The following POLR3GL variants were observed in gnomAD, a reference collection of about 807,000 sequenced individuals.
The protein encoded by POLR3GL is DNA-directed RNA polymerase III subunit RPC7-like.
POLR3GL carries 26 observed loss-of-function variants against 32.4 expected under a neutral mutation model. The observed-to-expected ratio is 0.80, with a 90% CI of 0.59 to 1.11. POLR3GL has a LOEUF of 1.11. POLR3GL is among the 50% of genes most tolerant of loss of function. The probability of loss-of-function intolerance (pLI) is 0.00; values close to 1 mark genes in which losing one functional copy is unlikely to be tolerated. For synonymous variants in POLR3GL, 95 were observed against 98.7 expected, an observed-to-expected ratio of 0.96 and a Z score of 0.22; for missense variants, 229 against 280.1, an observed-to-expected ratio of 0.82 and a Z score of 1.30.
At chr1:145,965,442 G>A (rs587641604) in intron 1 of POLR3GL, among the ~76,000 whole-genome samples, 3 of 152,276 alleles carry the variant, frequency 2.0e-5, no homozygotes, top group East Asian at 3.9e-4. Flanking sequence ...CTACAATCTA[G>A]AGAAGGAAGA....
chr1:145,977,703 T>A, intron 5 of POLR3GL, 75 bp from the exon 6 acceptor site: 1 of 1,428,516 alleles, frequency 7.0e-7, no homozygotes, highest in Admixed American at 1.7e-5. Flanking sequence ...GAGTGACATG[T>A]TCTTTGCATG....
At position 145,977,744 on chromosome 1, in the gene POLR3GL, T is replaced by C. The variant is rs1164726630; in HGVS notation, c.383-34T>C. The C allele has an allele frequency of 5.0e-6, 8 of 1,606,404 alleles. No individual in the cohort carries two copies. In the Admixed American group the frequency reaches 1.2e-4, roughly 24 times the overall value. On this transcript the variant is annotated intron_variant, in intron 5 of 7. Transcript: ENST00000369314. ...GGGCTATAAAGCTGGCAAAATTTGCTCTCTGAAGGTTTACCTTTTGATCCC... is the reference window on the plus strand; with the variant it reads ...GGGCTATAAAGCTGGCAAAATTTGCCCTCTGAAGGTTTACCTTTTGATCCC...
chr1:145,965,507 G>A (rs1649976553), intron 1 of POLR3GL, among the ~76,000 whole-genome samples: 1 of 152,144 alleles, frequency 6.6e-6, no homozygotes, highest in Non-Finnish European at 1.5e-5. Flanking sequence ...AATTTCTCAA[G>A]TTTGGAAAGG....
At position 145,974,879 on chromosome 1, in the gene POLR3GL, G is replaced by A. The variant is rs782358383; in HGVS notation, c.14G>A (p.Gly5Asp). 2.0e-6 allele frequency: 3 copies of A among 1,516,352 alleles called. No individual in the cohort carries two copies. The highest frequency in any genetic ancestry group is 2.6e-6 in the Non-Finnish European group (3 of 1,141,792). 93.9% of individuals were successfully genotyped at this position (1,516,352 alleles called of 1,614,324 possible). ...GCCCCCTCCACCATGGCCAGCCGGG[G>A]TGGGGGCCGGGGTCGTGGCCGGGGC... MASR[G>D]GGRGRGRGQL... The change falls in exon 2 of 8, where the codon GGT becomes GAT. Residue 5 changes from glycine to aspartate, a missense_variant. Physicochemically the swap from Gly to Asp is moderately conservative, Grantham distance 94 (BLOSUM62 -1). Transcript: ENST00000369314.
intron 1 of POLR3GL, among the ~76,000 whole-genome samples, chr1:145,971,369 TA>T (rs1650285455): frequency 6.6e-6 from 1 of 151,982 alleles, no homozygotes; most frequent in Admixed American, 6.5e-5. Context: ...CACGTCTCCT[TA>T]GGCTCCTCTT....
chr1:145,974,190 A>G lies in POLR3GL; in HGVS notation c.-41-635A>G, dbSNP rs150824222. 5.3e-4 allele frequency among the ~76,000 whole-genome samples: 81 copies of G among 152,270 alleles called. 1 individual carries two copies. In the East Asian group the frequency reaches 0.016, roughly 29 times the overall value. ...TAATGTGTCTTTTCCCCTGGTTTAC[A>G]ATGAAATTGATGACTCATCCCTGTG... On this transcript the variant is annotated intron_variant, in intron 1 of 7. Coordinates refer to ENST00000369314, the MANE Select transcript of POLR3GL (RefSeq NM_032305.3).
In POLR3GL at chr1:145,977,532, G is replaced by C; in HGVS notation, c.375G>C (p.Gln125His). Residue 125 changes from glutamine (Q) to histidine (H), a missense_variant, in exon 5 of 8, where the codon CAG (glutamine) becomes CAC (histidine). By Grantham distance (24) the Gln-to-His change is conservative. Coordinates refer to ENST00000369314, the MANE Select transcript of POLR3GL (RefSeq NM_032305.3). Reference protein sequence around the residue: ...RELKIRVRKLQKERITILLPK... With the variant: ...RELKIRVRKLHKERITILLPK... ...TAAAGATCCGAGTGCGGAAGCTACA[G>C]AAGGAACGTGAGTGTATCTGGAAAA... 1 of 1,614,040 alleles carries C rather than the reference G, an allele frequency of 6.2e-7. No homozygotes were observed. Among genetic ancestry groups the C allele is most frequent in the African/African-American group, 1.3e-5 (1 of 75,050 alleles).
At chr1:145,975,906 C>T (rs1272986449) in intron 3 of POLR3GL, among the ~76,000 whole-genome samples, 1 of 152,010 alleles carries the variant, frequency 6.6e-6, no homozygotes, top group African/African-American at 2.4e-5. Flanking sequence ...GTTTCTTATT[C>T]CCTAGCATAC....
Position 145,975,163 on chromosome 1 carries a change from A to G in POLR3GL, c.127-144A>G, listed in dbSNP as rs113745278. On this transcript the variant is annotated intron_variant, in intron 2 of 7. Coordinates refer to ENST00000369314, the MANE Select transcript of POLR3GL (RefSeq NM_032305.3). ...GAAGTGTCCACCTTTACTTCTCCCC[A>G]GCTTTCAAAATAATATGTTACTCCC... 16 of 1,318,184 alleles carry G rather than the reference A, an allele frequency of 1.2e-5. No individual in the cohort carries two copies. The African/African-American group carries it at 1.5e-4, about 12-fold the overall frequency. 81.7% of individuals were successfully genotyped at this position (1,318,184 alleles called of 1,614,324 possible).
chr1:145,970,929 G>A (rs1375160202), intron 1 of POLR3GL, among the ~76,000 whole-genome samples: 1 of 122,558 alleles, frequency 8.2e-6, no homozygotes, highest in East Asian at 2.5e-4. Context: ...GCTCATGCCT[G>A]TAATCTAGCA....
At chr1:145,977,344 T>C in intron 4 of POLR3GL, 139 bp from the exon 5 acceptor site, 1 of 886,640 alleles carries the variant, frequency 1.1e-6, no homozygotes, top group Non-Finnish European at 1.8e-6. Flanking sequence ...ACTCAGGAGA[T>C]ATCCAAGCCA....
At position 145,975,429 on chromosome 1, in the gene POLR3GL, C is replaced by A; in HGVS notation, c.249C>A (p.Pro83=). Residue 83 remains proline (P), a synonymous_variant, in exon 3 of 8, where the codon CCC becomes CCA. Coordinates refer to ENST00000369314, the MANE Select transcript of POLR3GL (RefSeq NM_032305.3). ...CCTACTTCATCCGGCCAGCTGTCCC[C>A]AAGAGAGGTCAGTTGGAATGCTAGC... ...QLPYFIRPAV[P]KRDVERYSDK... is the part of the protein sequence containing the mutation. 6.2e-7 allele frequency: 1 copy of A among 1,613,626 alleles called. No individual in the cohort carries two copies. The highest frequency in any genetic ancestry group is 1.1e-5 in the South Asian group (1 of 91,082).
intron 3 of POLR3GL, 63 bp from the exon 4 acceptor site, chr1:145,977,021 T>G: frequency 7.3e-7 from 1 of 1,368,048 alleles, no homozygotes; most frequent in South Asian, 1.2e-5. Context: ...AGGGCTGGAC[T>G]CTCAGGAACA....
chr1:145,978,461 AC>A lies in POLR3GL; in HGVS notation c.*17del. ...GCTATATACTGAAGAAGGACTCTGGACCCTCGTGTCTTTCTTTAGGATACAG... is the reference window on the plus strand; with the variant it reads ...GCTATATACTGAAGAAGGACTCTGGACCTCGTGTCTTTCTTTAGGATACAG... On this transcript the variant is annotated 3_prime_UTR_variant, in exon 8 of 8. Coordinates refer to ENST00000369314, the MANE Select transcript of POLR3GL (RefSeq NM_032305.3). 6.6e-7 allele frequency: 1 copy of A among 1,522,186 alleles called. No homozygotes were observed. The highest frequency in any genetic ancestry group is 9.1e-7 in the Non-Finnish European group (1 of 1,099,324). The allele number at this position is 1,522,186 out of a possible 1,614,324, so 94.3% of individuals were successfully genotyped here. A position where few individuals can be genotyped will look rare whatever the true frequency, so the allele number is the denominator to read the frequency against.
intron 1 of POLR3GL, among the ~76,000 whole-genome samples, chr1:145,971,879 C>T (rs1406805912): frequency 1.4e-5 from 2 of 141,842 alleles, no homozygotes; most frequent in African/African-American, 2.7e-5. Context: ...GCAGGAGAGT[C>T]GCTTGCACCC....
chr1:145,975,095 C>G, intron 2 of POLR3GL, 104 bp downstream of exon 2: 1 of 1,402,358 alleles, frequency 7.1e-7, no homozygotes, highest in Non-Finnish European at 9.6e-7. Flanking sequence ...CGCTTTGGCC[C>G]TCTCTCTATA....
At chr1:145,967,871 A>G (rs747306107) in intron 1 of POLR3GL, among the ~76,000 whole-genome samples, 89 of 152,334 alleles carry the variant, frequency 5.8e-4, no homozygotes, top group Admixed American at 1.1e-3. Flanking sequence ...GAGTGAAATG[A>G]TTCTATTATT....
At chr1:145,976,023 C>T (rs1172121783) in intron 3 of POLR3GL, among the ~76,000 whole-genome samples, 2 of 151,998 alleles carry the variant, frequency 1.3e-5, no homozygotes, top group Non-Finnish European at 2.9e-5. Context: ...CCTGTAATGG[C>T]CAGCACTTTG....
At chr1:145,978,339 A>G in intron 7 of POLR3GL, 22 bp from the exon 8 acceptor site, 2 of 662,796 alleles carry the variant, frequency 3.0e-6, no homozygotes, top group South Asian at 3.6e-5. Context: ...ATTGACTTTT[A>G]CTTTTTTTTT....
Sources: allele counts gnomAD v4.1 joint callset (sites outside exome capture counted in the v4.1 genomes callset), GRCh38; gene constraint gnomAD v4.1.1; transcripts MANE v1.5; gene names NCBI Gene and HGNC (gene_info 2026-07-23, HGNC 2026-07-21).